Variants in STK38L observed in about 807,000 individuals in gnomAD.
STK38L encodes serine/threonine-protein kinase 38-like.
In STK38L, 28 loss-of-function variants were observed where a neutral mutation model predicts 59.7. That is an observed-to-expected ratio of 0.47 (90% CI 0.35 to 0.64). The LOEUF (loss-of-function observed/expected upper bound fraction) is 0.64, where lower values mean the gene tolerates loss of function less well. Ranked by LOEUF, STK38L falls within the 30% of genes least tolerant of loss-of-function variation. The probability of loss-of-function intolerance (pLI) is 0.01; values close to 1 mark genes in which losing one functional copy is unlikely to be tolerated. For synonymous variants in STK38L, 162 were observed against 176.8 expected (o/e 0.92, Z 0.66); for missense variants, 314 against 555.8 (o/e 0.56, Z 4.37).
chr12:27,283,520 C>T (rs1388608678), intron 1 of STK38L, among the ~76,000 whole-genome samples: 1 of 152,206 alleles, frequency 6.6e-6, no homozygotes, highest in East Asian at 1.9e-4. Flanking sequence ...TGAGAGTTCT[C>T]ACAGTTCATA....
rs1565533099 is a variant in STK38L at position 27,277,354 on chromosome 12, A to AC, written c.-11-20356_-11-20355insC. 2.9e-4 allele frequency among the ~76,000 whole-genome samples: 43 copies of AC among 150,112 alleles called. No individual in the cohort carries two copies. The South Asian group carries it at 4.2e-3, about 15-fold the overall frequency. On this transcript the variant is annotated intron_variant, in intron 1 of 13. Coordinates refer to ENST00000389032, the MANE Select transcript of STK38L (RefSeq NM_015000.4). ...ATAGAGCAAGACCTCCATCTCAAAA[A>AC]ACACACACACACACAGCAGTAGGAG...
At position 27,314,377 on chromosome 12, in the gene STK38L, G is replaced by C. The variant is rs888367288; in HGVS notation, c.518-127G>C. The stretch of plus-strand genomic sequence containing the variant: ...GATCACACCACTGCACTCCAACCCA[G>C]GCAACAGAGTGAGACTCTGTCTCCA... On this transcript the variant is annotated intron_variant, in intron 6 of 13. Coordinates refer to ENST00000389032, the MANE Select transcript of STK38L (RefSeq NM_015000.4). 1.6e-5 allele frequency: 12 copies of C among 737,686 alleles called. No homozygotes were observed. In the African/African-American group the frequency reaches 2.1e-4, roughly 13 times the overall value. The allele number at this position is 737,686 out of a possible 1,614,324, so 45.7% of individuals were successfully genotyped here.
chr12:27,319,430 T>C lies in STK38L; in HGVS notation c.1175+7T>C. 6.2e-7 allele frequency: 1 copy of C among 1,604,630 alleles called. No individual in the cohort carries two copies. Among genetic ancestry groups the C allele is most frequent in the Non-Finnish European group, 8.5e-7 (1 of 1,174,418 alleles). On this transcript the variant is annotated splice_region_variant and intron_variant, in intron 12 of 13. Transcript: ENST00000389032. Reference sequence around the variant, plus strand: ...TCGACTGGGAGCACATAAGGTATGTTCCTAGGCTTTGAATGGGAAAGGTCT... The same window carrying C: ...TCGACTGGGAGCACATAAGGTATGTCCCTAGGCTTTGAATGGGAAAGGTCT...
chr12:27,272,601 A>G (rs1943447724), intron 1 of STK38L, among the ~76,000 whole-genome samples: 1 of 152,156 alleles, frequency 6.6e-6, no homozygotes, highest in Admixed American at 6.5e-5. Flanking sequence ...GGGTGACTGA[A>G]TCTGCTTTGT....
intron 1 of STK38L, 102 bp downstream of exon 1, chr12:27,244,434 T>A (rs918339240): frequency 6.5e-6 from 1 of 152,756 alleles, no homozygotes; most frequent in Non-Finnish European, 1.5e-5. Context: ...TCTTTGGGTG[T>A]CCAGGGAAAG....
chr12:27,316,330 T>C (rs150010319), intron 9 of STK38L, among the ~76,000 whole-genome samples: 37 of 152,328 alleles, frequency 2.4e-4, no homozygotes, highest in African/African-American at 6.5e-4. Flanking sequence ...TTGAGAATAA[T>C]TGCAATATTC....
At chr12:27,315,814 A>C (rs1944572243) in intron 9 of STK38L, among the ~76,000 whole-genome samples, 3 of 152,250 alleles carry the variant, frequency 2.0e-5, no homozygotes. Flanking sequence ...AACAGATAAA[A>C]TTTGAAAAAG....
At chr12:27,280,704 A>T (rs1017844782) in intron 1 of STK38L, among the ~76,000 whole-genome samples, 4 of 152,240 alleles carry the variant, frequency 2.6e-5, no homozygotes, top group Non-Finnish European at 4.4e-5. Flanking sequence ...CTTCCTGTTC[A>T]TGTAGAAAGC....
At chr12:27,264,580 T>C (rs774061428) in intron 1 of STK38L, among the ~76,000 whole-genome samples, 15 of 152,034 alleles carry the variant, frequency 9.9e-5, no homozygotes, top group Non-Finnish European at 2.2e-4. Context: ...TGGAACAAAA[T>C]TGTCAGAAAA....
At chr12:27,250,358 A>T (rs972418974) in intron 1 of STK38L, among the ~76,000 whole-genome samples, 4 of 152,230 alleles carry the variant, frequency 2.6e-5, no homozygotes, top group African/African-American at 9.7e-5. Context: ...ATTTAATATG[A>T]AGCATACTTT....
chr12:27,270,516 TAC>T (rs1432012059), intron 1 of STK38L, among the ~76,000 whole-genome samples: 1 of 152,194 alleles, frequency 6.6e-6, no homozygotes, highest in African/African-American at 2.4e-5. Flanking sequence ...TAGCAGGGAT[TAC>T]AGGTGTATGC....
chr12:27,251,088 C>G (rs980474812), intron 1 of STK38L, among the ~76,000 whole-genome samples: 1 of 151,404 alleles, frequency 6.6e-6, no homozygotes, highest in Non-Finnish European at 1.5e-5. Context: ...TTCTCCTTTT[C>G]TCTTTAATTT....
At chr12:27,279,887 AG>A (rs1262874628) in intron 1 of STK38L, among the ~76,000 whole-genome samples, 10 of 152,150 alleles carry the variant, frequency 6.6e-5, no homozygotes, top group African/African-American at 2.4e-4. Flanking sequence ...GTCTGATGAA[AG>A]ACCATATAGC....
At chr12:27,279,986 G>A (rs1174055669) in intron 1 of STK38L, among the ~76,000 whole-genome samples, 3 of 152,058 alleles carry the variant, frequency 2.0e-5, no homozygotes, top group Middle Eastern at 3.2e-3. Flanking sequence ...TTCCTTATTT[G>A]TAAATGTGGG....
At chr12:27,261,330 T>C (rs1270692204) in intron 1 of STK38L, among the ~76,000 whole-genome samples, 1 of 152,216 alleles carries the variant, frequency 6.6e-6, no homozygotes, top group Non-Finnish European at 1.5e-5. Flanking sequence ...CTTTCCTTGC[T>C]TTTGCCCTGT....
intron 1 of STK38L, among the ~76,000 whole-genome samples, chr12:27,272,394 T>G (rs757198199): frequency 2.6e-5 from 4 of 152,214 alleles, no homozygotes; most frequent in Non-Finnish European, 5.9e-5. Flanking sequence ...TGCAAAAGTT[T>G]AAGAACTTTG....
chr12:27,245,397 A>G (rs1182192470), intron 1 of STK38L, among the ~76,000 whole-genome samples: 2 of 152,164 alleles, frequency 1.3e-5, no homozygotes, highest in East Asian at 1.9e-4. Flanking sequence ...TGATTGTAAG[A>G]TGGGGATTGA....
chr12:27,278,993 G>A (rs541874921), intron 1 of STK38L, among the ~76,000 whole-genome samples: 2 of 152,208 alleles, frequency 1.3e-5, no homozygotes, highest in African/African-American at 2.4e-5. Flanking sequence ...AAAGAGTAGG[G>A]GCCTGCCCAA....
At chr12:27,266,870 TCC>T (rs1352411751) in intron 1 of STK38L, among the ~76,000 whole-genome samples, 1 of 152,224 alleles carries the variant, frequency 6.6e-6, no homozygotes, top group African/African-American at 2.4e-5. Flanking sequence ...GAAGTTCTGT[TCC>T]TTCCTTCATA....
Sources: allele counts gnomAD v4.1 joint callset (sites outside exome capture counted in the v4.1 genomes callset), GRCh38; gene constraint gnomAD v4.1.1; transcripts MANE v1.5; gene names NCBI Gene and HGNC (gene_info 2026-07-23, HGNC 2026-07-21).